Variants in KANSL1 observed in about 807,000 individuals in gnomAD.
The protein encoded by KANSL1 is KAT8 regulatory NSL complex subunit 1, also known as MLL1/MLL complex subunit KANSL1.
A neutral mutation model predicts 103.6 loss-of-function variants in KANSL1; 22 were observed. The ratio of observed to expected loss-of-function variants is 0.21; its 90% CI spans 0.15 to 0.30. The LOEUF (loss-of-function observed/expected upper bound fraction) is 0.30, where lower values mean the gene tolerates loss of function less well. Among genes scored for constraint, KANSL1 ranks in the 10% least tolerant of loss-of-function variants. The probability of loss-of-function intolerance (pLI) is 1.00; values close to 1 mark genes in which losing one functional copy is unlikely to be tolerated. For synonymous variants in KANSL1, 600 were observed against 527.6 expected (o/e 1.14, Z -1.88); for missense variants, 1,337 against 1,399.8 (o/e 0.96, Z 0.72).
rs375533550 is a variant in KANSL1, at chr17:46,066,563, T to C, written c.1822A>G (p.Asn608Asp). The part of the protein sequence containing the change: ...SCKKRRLVRP[N>D]SIVPLSKKVH... ...TTCTTGGAAAGAGGAACGATGCTGT[T>C]GGGTCGAACAAGCCTCCGCTTCTTA... Residue 608 changes from asparagine to aspartate, a missense_variant, in exon 6 of 15, where the codon AAC (asparagine) becomes GAC (aspartate). By Grantham distance (23) the Asn-to-Asp change is conservative. Around this residue, in one of 2 missense-constraint regions of KANSL1, gnomAD observed 780 missense variants for 923.4 expected, o/e 0.84. Transcript: ENST00000432791. The C allele has an allele frequency of 1.2e-6, 2 of 1,613,490 alleles. No individual in the cohort carries two copies. Among genetic ancestry groups the C allele is most frequent in the Non-Finnish European group, 1.7e-6 (2 of 1,179,604 alleles).
At chr17:46,038,329 T>A in intron 10 of KANSL1, 1 of 590,200 alleles carries the variant, frequency 1.7e-6, no homozygotes, top group Non-Finnish European at 2.9e-6. Context: ...ATCTCTGCTA[T>A]GAAAAACAAC....
In KANSL1 at chr17:46,050,562, C is replaced by G; in HGVS notation, c.1991G>C (p.Cys664Ser). 1 of 1,614,154 alleles carries G rather than the reference C, an allele frequency of 6.2e-7. No homozygotes were observed. The highest frequency in any genetic ancestry group is 8.5e-7 in the Non-Finnish European group (1 of 1,180,020). ...TGGAAATGCTAGAACAGGATGAACA[C>G]AAGAGTCCAACTGGGAAAGACGTTC... ...LLERLSQLDSCVHPVLAFPDD... is the reference protein window; with the variant it reads ...LLERLSQLDSSVHPVLAFPDD... Residue 664 changes from cysteine (C) to serine (S), a missense_variant, in exon 7 of 15, where the codon TGT (cysteine) becomes TCT (serine). Transcript: ENST00000432791.
chr17:46,080,072 A>G (rs964512759), intron 4 of KANSL1, among the ~76,000 whole-genome samples: 1 of 152,152 alleles, frequency 6.6e-6, no homozygotes, highest in East Asian at 1.9e-4. Context: ...TAATGTTTTG[A>G]AACTATATTT....
At chr17:46,033,295 C>G (rs1156253547) in intron 12 of KANSL1, 103 bp from the exon 13 acceptor site, 1 of 1,434,338 alleles carries the variant, frequency 7.0e-7, no homozygotes, top group Non-Finnish European at 9.7e-7. Context: ...ATACAAGGAG[C>G]TTGCACTTCA....
chr17:46,196,603 G>T, upstream of KANSL1: 1 of 330,820 alleles, frequency 3.0e-6, no homozygotes, highest in South Asian at 2.3e-5. Flanking sequence ...AACCAATCCT[G>T]ACAATTTGTA....
At chr17:46,106,311 TGAGA>T (rs1025027724) in intron 2 of KANSL1, among the ~76,000 whole-genome samples, 1 of 152,212 alleles carries the variant, frequency 6.6e-6, no homozygotes, top group South Asian at 2.1e-4. Context: ...AAGAATTGCC[TGAGA>T]GAGTTAAGTC....
At chr17:46,122,763 G>A (rs920557559) in intron 2 of KANSL1, among the ~76,000 whole-genome samples, 5 of 152,202 alleles carry the variant, frequency 3.3e-5, no homozygotes, top group Non-Finnish European at 7.3e-5. Context: ...TATCTGTTAT[G>A]ATGATCTGTG....
At chr17:46,105,947 A>ACACACCCC (rs1396276906) in intron 2 of KANSL1, among the ~76,000 whole-genome samples, 2 of 57,776 alleles carry the variant, frequency 3.5e-5, no homozygotes, top group African/African-American at 6.6e-5. Flanking sequence ...ACACACACAC[A>ACACACCCC]CCCCCCCAGA....
chr17:46,179,025 T>G (rs1456256588), intron 1 of KANSL1, among the ~76,000 whole-genome samples: 1 of 152,206 alleles, frequency 6.6e-6, no homozygotes, highest in Admixed American at 6.5e-5. Flanking sequence ...CTAACTGACA[T>G]CTCACGATGA....
At chr17:46,196,397 C>T (rs1268881099), upstream of KANSL1, 1 of 456,290 alleles carries the variant, frequency 2.2e-6, no homozygotes, top group South Asian at 1.5e-5. Flanking sequence ...GTAGAAGCCC[C>T]CTGGACAGCC....
At chr17:46,108,514 TTATC>T (rs1283016079) in intron 2 of KANSL1, among the ~76,000 whole-genome samples, 3 of 152,342 alleles carry the variant, frequency 2.0e-5, no homozygotes, top group South Asian at 2.1e-4. Context: ...TTATTTTTAA[TTATC>T]TATCTTTCTT....
chr17:46,190,213 TTAGTA>T (rs2047248764), intron 1 of KANSL1, among the ~76,000 whole-genome samples: 1 of 152,248 alleles, frequency 6.6e-6, no homozygotes, highest in African/African-American at 2.4e-5. Context: ...AGAAAAAAGT[TTAGTA>T]TAGTTACTTC....
chr17:46,213,696 TCA>T (rs1289640433), intron 1 of KANSL1, among the ~76,000 whole-genome samples: 3 of 150,624 alleles, frequency 2.0e-5, no homozygotes, highest in Non-Finnish European at 2.9e-5. Flanking sequence ...GGTGGGTGGA[TCA>T]CCTGAGGTCA....
intron 4 of KANSL1, 68 bp downstream of exon 4, chr17:46,082,373 A>C: frequency 1.0e-6 from 1 of 976,278 alleles, no homozygotes; most frequent in Non-Finnish European, 1.6e-6. Context: ...GTTACAGAGA[A>C]AAAACGGTGT....
At chr17:46,092,692 C>CT (rs1275217163) in intron 3 of KANSL1, among the ~76,000 whole-genome samples, 1 of 105,824 alleles carries the variant, frequency 9.4e-6, no homozygotes, top group African/African-American at 3.8e-5. Flanking sequence ...TAATTTTGAG[C>CT]TGTTGGGTTG....
At chr17:46,203,362 A>C (rs1238228846) in intron 1 of KANSL1, among the ~76,000 whole-genome samples, 2 of 152,268 alleles carry the variant, frequency 1.3e-5, no homozygotes, top group Non-Finnish European at 2.9e-5. Context: ...GGGCTACGGC[A>C]TTAAATGTTT....
chr17:46,068,417 A>G (rs1376782010), intron 4 of KANSL1, among the ~76,000 whole-genome samples: 1 of 152,032 alleles, frequency 6.6e-6, no homozygotes, highest in African/African-American at 2.4e-5. Context: ...AAAATACAAA[A>G]TTAGCCGGGC....
At chr17:46,082,364 T>C in intron 4 of KANSL1, 77 bp downstream of exon 4, 1 of 867,736 alleles carries the variant, frequency 1.2e-6, no homozygotes, top group South Asian at 1.5e-5. Flanking sequence ...AGGATCCTAG[T>C]TACAGAGAAA....
At chr17:46,107,113 G>A (rs1202990579) in intron 2 of KANSL1, among the ~76,000 whole-genome samples, 1 of 152,212 alleles carries the variant, frequency 6.6e-6, no homozygotes, top group Non-Finnish European at 1.5e-5. Context: ...TTCCAAGAGA[G>A]CAACAAAGAG....
Sources: allele counts gnomAD v4.1 joint callset (sites outside exome capture counted in the v4.1 genomes callset), GRCh38; gene constraint gnomAD v4.1.1; regional missense constraint gnomAD v4.1.1; transcripts MANE v1.5; gene names NCBI Gene and HGNC (gene_info 2026-07-23, HGNC 2026-07-21).